Variants in RALYL observed in about 807,000 individuals in gnomAD.
RALYL encodes the protein RNA-binding Raly-like protein.
Under a neutral mutation model 35.1 loss-of-function variants are expected in RALYL, and 29 were observed. That is an observed-to-expected ratio of 0.83 (90% CI 0.61 to 1.13). The LOEUF (loss-of-function observed/expected upper bound fraction) is 1.13, where lower values mean the gene tolerates loss of function less well. Ranked by LOEUF, RALYL falls within the 50% of genes most tolerant of loss-of-function variation. The probability of loss-of-function intolerance (pLI) is 0.00; values close to 1 mark genes in which losing one functional copy is unlikely to be tolerated. For missense variants in RALYL, 359 were observed against 360.4 expected, an observed-to-expected ratio of 1.00 and a Z score of 0.03; for synonymous variants, 120 against 127.6, an observed-to-expected ratio of 0.94 and a Z score of 0.40.
intron 1 of RALYL, among the ~76,000 whole-genome samples, chr8:84,278,056 T>G (rs971731761): frequency 3.3e-5 from 5 of 152,232 alleles, no homozygotes; most frequent in African/African-American, 1.2e-4. Flanking sequence ...ACATTCCCTT[T>G]CACACGGCCC....
At chr8:84,539,056 G>T (rs745437911) in intron 2 of RALYL, among the ~76,000 whole-genome samples, 1 of 152,132 alleles carries the variant, frequency 6.6e-6, no homozygotes, top group Non-Finnish European at 1.5e-5. Flanking sequence ...CCAAAACACA[G>T]AATTGAAATA....
At chr8:84,404,047 G>A (rs2043206581) in intron 1 of RALYL, among the ~76,000 whole-genome samples, 1 of 152,142 alleles carries the variant, frequency 6.6e-6, no homozygotes, top group African/African-American at 2.4e-5. Flanking sequence ...CTTTGCTGAA[G>A]TTGCTTATCA....
At chr8:84,883,149 C>T (rs560347324) in intron 7 of RALYL, among the ~76,000 whole-genome samples, 6 of 151,830 alleles carry the variant, frequency 4.0e-5, no homozygotes, top group African/African-American at 1.4e-4. Flanking sequence ...GCTTTTTTTT[C>T]CCTCAACTCA....
intron 1 of RALYL, among the ~76,000 whole-genome samples, chr8:84,193,196 A>G (rs181543201): frequency 6.6e-6 from 1 of 152,274 alleles, no homozygotes; most frequent in Admixed American, 6.5e-5. Context: ...TGGGAATGAA[A>G]TATTACTCAT....
chr8:84,346,325 A>G (rs1010415927), intron 1 of RALYL, among the ~76,000 whole-genome samples: 2 of 152,132 alleles, frequency 1.3e-5, no homozygotes, highest in Non-Finnish European at 2.9e-5. Context: ...AAAGTAATTT[A>G]TTACCCATGT....
At chr8:84,442,404 C>A (rs920386308) in intron 1 of RALYL, among the ~76,000 whole-genome samples, 4 of 152,026 alleles carry the variant, frequency 2.6e-5, no homozygotes, top group South Asian at 2.1e-4. Flanking sequence ...GTATTAAATT[C>A]TTTATACAAC....
At chr8:84,354,425 C>G (rs1851462499) in intron 1 of RALYL, among the ~76,000 whole-genome samples, 1 of 150,200 alleles carries the variant, frequency 6.7e-6, no homozygotes, top group Non-Finnish European at 1.5e-5. Context: ...ACACCATACA[C>G]CACAAAGTAA....
At chr8:84,807,415 A>G (rs767311118) in intron 4 of RALYL, among the ~76,000 whole-genome samples, 54 of 151,988 alleles carry the variant, frequency 3.6e-4, no homozygotes, top group Non-Finnish European at 6.9e-4. Flanking sequence ...CCACTCTTTG[A>G]TTGTTGGGCA....
intron 1 of RALYL, among the ~76,000 whole-genome samples, chr8:84,277,450 C>A (rs1439289313): frequency 1.3e-5 from 2 of 152,098 alleles, no homozygotes; most frequent in Non-Finnish European, 2.9e-5. Context: ...TATCATTCTG[C>A]CCCCAGCCCC....
intron 1 of RALYL, among the ~76,000 whole-genome samples, chr8:84,360,002 A>G (rs1255598802): frequency 6.6e-6 from 1 of 151,702 alleles, no homozygotes; most frequent in African/African-American, 2.4e-5. Context: ...CCTCCCAAGT[A>G]GCTAGAACTA....
intron 2 of RALYL, among the ~76,000 whole-genome samples, chr8:84,546,937 T>A (rs1490052820): frequency 1.3e-5 from 2 of 150,664 alleles, no homozygotes; most frequent in Admixed American, 6.7e-5. Context: ...GCTATTAGAT[T>A]TACATCTTAG....
At chr8:84,608,591 T>A (rs1817652471) in intron 2 of RALYL, among the ~76,000 whole-genome samples, 1 of 152,180 alleles carries the variant, frequency 6.6e-6, no homozygotes, top group Non-Finnish European at 1.5e-5. Context: ...TCAGTGCATT[T>A]GCTCCATATT....
intron 1 of RALYL, among the ~76,000 whole-genome samples, chr8:84,206,026 C>A (rs1021926033): frequency 1.3e-5 from 2 of 152,120 alleles, no homozygotes; most frequent in Admixed American, 6.6e-5. Context: ...ATGTGTACAC[C>A]AGTCTTATTG....
intron 2 of RALYL, among the ~76,000 whole-genome samples, chr8:84,631,034 T>C (rs1332052237): frequency 6.6e-6 from 1 of 152,030 alleles, no homozygotes; most frequent in African/African-American, 2.4e-5. Context: ...AGAAGGCATA[T>C]AGTTATTTTA....
At chr8:84,323,095 C>T (rs1845179701) in intron 1 of RALYL, among the ~76,000 whole-genome samples, 1 of 151,984 alleles carries the variant, frequency 6.6e-6, no homozygotes, top group African/African-American at 2.4e-5. Context: ...TATTGTGGTA[C>T]ATTCATGCTT....
At chr8:84,798,948 T>G (rs1046901467) in intron 3 of RALYL, among the ~76,000 whole-genome samples, 1 of 152,178 alleles carries the variant, frequency 6.6e-6, no homozygotes, top group African/African-American at 2.4e-5. Flanking sequence ...ACTGAAGTCA[T>G]AGAAGACAAA....
chr8:84,334,091 C>T lies in RALYL; in HGVS notation c.-24+149667C>T, dbSNP rs753062786. On this transcript the variant is annotated intron_variant, in intron 1 of 8. Coordinates refer to ENST00000521268, the MANE Select transcript of RALYL (RefSeq NM_173848.7). ...TAGAGATGGGGTTTAGCCATGTTGC[C>T]CAGGCTGGTCTCAAACTCCTGGGCT... Among the ~76,000 whole-genome samples the T allele has an allele frequency of 3.7e-4, 57 of 152,020 alleles. No homozygotes were observed. In the Middle Eastern group the frequency reaches 0.014, roughly 36 times the overall value.
At chr8:84,582,736 A>G (rs919650783) in intron 2 of RALYL, among the ~76,000 whole-genome samples, 1 of 152,010 alleles carries the variant, frequency 6.6e-6, no homozygotes, top group South Asian at 2.1e-4. Flanking sequence ...TTGCTAACAA[A>G]ATAACTGATT....
intron 6 of RALYL, among the ~76,000 whole-genome samples, chr8:84,866,302 G>T (rs536830640): frequency 1.3e-5 from 2 of 152,120 alleles, no homozygotes; most frequent in Non-Finnish European, 2.9e-5. Context: ...TACCATCGTG[G>T]CCTTGGGGAA....
Sources: gnomAD v4.1 joint callset for allele counts (sites outside exome capture counted in the v4.1 genomes callset) on GRCh38, gnomAD v4.1.1 for gene constraint, MANE v1.5 for transcripts, NCBI Gene and HGNC (gene_info 2026-07-23, HGNC 2026-07-21) for gene names.